PLPPR3: variants seen among roughly 807,000 people sequenced by gnomAD.
PLPPR3 encodes the protein phospholipid phosphatase related 3.
In PLPPR3, 14 loss-of-function variants were observed where a neutral mutation model predicts 27.3. The observed-to-expected ratio is 0.51, with a 90% CI of 0.34 to 0.80. The LOEUF is 0.80. PLPPR3 is among the 30% of genes least tolerant of loss of function. PLPPR3 has a pLI of 0.01. For synonymous variants in PLPPR3, 671 were observed against 508.0 expected (o/e 1.32, Z -4.32); for missense variants, 1,287 against 1,056.9 (o/e 1.22, Z -3.02).
chr19:813,719 G>A lies in PLPPR3; in HGVS notation c.1008C>T (p.Pro336=). The A allele has an allele frequency of 6.6e-7, 1 of 1,525,798 alleles. No homozygotes were observed. Among genetic ancestry groups the A allele is most frequent in the Non-Finnish European group, 8.8e-7 (1 of 1,142,240 alleles). 94.5% of individuals were successfully genotyped at this position (1,525,798 alleles called of 1,614,324 possible). The change falls in exon 8 of 8, where the codon CCC becomes CCT. Residue 336 remains proline, a synonymous_variant. Transcript: ENST00000520876. This position sits in a 1 kb window ranked among gnomAD's most constrained non-coding sequence, Gnocchi z 4.1. ...LGPPGRLEGA[P]RPVAREKTSL... ...AGGTCTTCTCGCGGGCCACGGGCCG[G>A]GGCGCGCCCTCCAGCCGCCCTGGGG...
rs1318003159 is a variant in PLPPR3, at chr19:812,569, G to A, written c.*1C>T. ...CCCCGCCCGCCCCCGGCCCCGCCGC[G>A]CTAGTCGGGGAAGCGGCGCGCCTGC... On this transcript the variant is annotated 3_prime_UTR_variant, in exon 8 of 8. Coordinates refer to ENST00000520876, the MANE Select transcript of PLPPR3 (RefSeq NM_001270366.2). 371 of 494,732 alleles carry A rather than the reference G, an allele frequency of 7.5e-4. 3 individuals carry two copies. Among genetic ancestry groups the A allele is most frequent in the Middle Eastern group, 2.0e-3 (2 of 1,018 alleles). 30.6% of individuals were successfully genotyped at this position (494,732 alleles called of 1,614,324 possible).
Position 812,559 on chromosome 19 carries a change from G to GCCCCCC in PLPPR3, c.*10_*11insGGGGGG. 2.1e-5 allele frequency: 8 copies of GCCCCCC among 383,664 alleles called. No homozygotes were observed. The highest frequency in any genetic ancestry group is 2.5e-5 in the Non-Finnish European group (7 of 283,832). 23.8% of individuals were successfully genotyped at this position (383,664 alleles called of 1,614,324 possible). A position where few individuals can be genotyped will look rare whatever the true frequency, so the allele number is the denominator to read the frequency against. On this transcript the variant is annotated 3_prime_UTR_variant, in exon 8 of 8. Transcript: ENST00000520876. ...TCGGCCCGCCCCCCGCCCGCCCCCG[G>GCCCCCC]CCCCGCCGCGCTAGTCGGGGAAGCG...
At chr19:814,337 G>A in intron 7 of PLPPR3, 97 bp downstream of exon 7, 2 of 1,251,098 alleles carry the variant, frequency 1.6e-6, no homozygotes, top group Non-Finnish European at 2.2e-6. Flanking sequence ...TCAGACCCCT[G>A]GGCCAGCCTC....
rs909265722 is a variant in PLPPR3, at chr19:813,690, A to C, written c.1037T>G (p.Leu346Arg). Residue 346 changes from leucine (L) to arginine (R), a missense_variant, in exon 8 of 8, where the codon CTG becomes CGG. Coordinates refer to ENST00000520876, the MANE Select transcript of PLPPR3 (RefSeq NM_001270366.2). The surrounding 1 kb of genome is among the most constrained non-coding windows in gnomAD (Gnocchi z 4.1). ...PRPVAREKTS[L>R]GSLKRASVDV... ...CACGCTGGCGCGCTTCAGGCTGCCC[A>C]GCGAGGTCTTCTCGCGGGCCACGGG... The C allele has an allele frequency of 7.8e-6, 12 of 1,530,840 alleles. No homozygotes were observed. The African/African-American group carries it at 1.7e-4, about 21-fold the overall frequency. 94.8% of individuals were successfully genotyped at this position (1,530,840 alleles called of 1,614,324 possible).
At position 821,592 on chromosome 19, in the gene PLPPR3, G is replaced by A. The variant is rs1042857185; in HGVS notation, c.-26-7C>T. The A allele has an allele frequency of 9.6e-6, 14 of 1,456,090 alleles. No homozygotes were observed. Among genetic ancestry groups the A allele is most frequent in the Admixed American group, 7.0e-5 (3 of 42,718 alleles). 90.2% of individuals were successfully genotyped at this position (1,456,090 alleles called of 1,614,324 possible). A position where few individuals can be genotyped will look rare whatever the true frequency, so the allele number is the denominator to read the frequency against. On this transcript the variant is annotated splice_polypyrimidine_tract_variant and splice_region_variant and intron_variant, in intron 1 of 7. Coordinates refer to ENST00000520876, the MANE Select transcript of PLPPR3 (RefSeq NM_001270366.2). ...CGGGCGCCGCAGGCCGTGGCTGGAG[G>A]GGAGAAAGCGGCGCTGGAGGGGGGC... is the stretch of plus-strand genomic sequence containing the variant.
chr19:814,910 T>G lies in PLPPR3; in HGVS notation c.575A>C (p.Asp192Ala). The change falls in exon 5 of 8, where the codon GAC (aspartate) becomes GCC (alanine). Residue 192 changes from aspartate (D) to alanine (A), a missense_variant. Asp to Ala is a moderately radical substitution (Grantham distance 126). Coordinates refer to ENST00000520876, the MANE Select transcript of PLPPR3 (RefSeq NM_001270366.2). ...YITQDICSGH[D>A]IHAILSARKT... The stretch of plus-strand genomic sequence containing the variant: ...CCGTGCAGACAGGATGGCGTGGATG[T>G]CGTGGCCGGAGCAGATGTCCTGCGT... The G allele has an allele frequency of 1.2e-6, 2 of 1,611,364 alleles. No homozygotes were observed. Among genetic ancestry groups the G allele is most frequent in the Non-Finnish European group, 1.7e-6 (2 of 1,179,886 alleles).
At chr19:817,653 A>C (rs1787306650) in intron 2 of PLPPR3, among the ~76,000 whole-genome samples, 1 of 152,110 alleles carries the variant, frequency 6.6e-6, no homozygotes. Flanking sequence ...GGGAGGGCAC[A>C]GGTCAGGGCT....
upstream of PLPPR3, among the ~76,000 whole-genome samples, chr19:823,311 A>G (rs547501496): frequency 1.4e-5 from 2 of 144,682 alleles, no homozygotes; most frequent in Non-Finnish European, 3.0e-5. Context: ...ACATGGTGGC[A>G]GGCGCCTGTA....
intron 2 of PLPPR3, 67 bp downstream of exon 2, chr19:821,418 G>A: frequency 2.1e-6 from 3 of 1,417,808 alleles, no homozygotes; most frequent in Admixed American, 2.3e-5. Flanking sequence ...GTCCCCCAGC[G>A]CGGGGGTCTC....
Position 812,528 on chromosome 19 carries a change from GCGCCCTCGGCCCGCCCCC to G in PLPPR3, c.*24_*41del. On this transcript the variant is annotated 3_prime_UTR_variant, in exon 8 of 8. Transcript: ENST00000520876. ...TTATTGAGCATCCGCGCGGCCGCCC[GCGCCCTCGGCCCGCCCCC>G]CGCCCGCCCCCGGCCCCGCCGCGCT... The G allele has an allele frequency of 1.0e-6, 1 of 988,694 alleles. No homozygotes were observed. Among genetic ancestry groups the G allele is most frequent in the South Asian group, 4.5e-5 (1 of 22,218 alleles). 61.2% of individuals were successfully genotyped at this position (988,694 alleles called of 1,614,324 possible).
At chr19:821,069 G>A (rs1021764416) in intron 2 of PLPPR3, among the ~76,000 whole-genome samples, 1 of 152,286 alleles carries the variant, frequency 6.6e-6, no homozygotes, top group East Asian at 1.9e-4. Flanking sequence ...GCCCAGAGAG[G>A]TTAGGGGCAG....
chr19:818,105 G>A (rs570852199), intron 2 of PLPPR3, among the ~76,000 whole-genome samples: 7 of 152,318 alleles, frequency 4.6e-5, no homozygotes, highest in South Asian at 2.1e-4. Flanking sequence ...ACCATGGGCC[G>A]GGTGCGGTGG....
At chr19:823,446 A>AAAAACAAAC (rs1555703853), upstream of PLPPR3, among the ~76,000 whole-genome samples, 8 of 84,284 alleles carry the variant, frequency 9.5e-5, no homozygotes, top group South Asian at 1.1e-3. Context: ...TATCTCAAAA[A>AAAAACAAAC]AAAAAAAAAA....
At chr19:814,074 C>A (rs970971748) in intron 7 of PLPPR3, among the ~76,000 whole-genome samples, 179 bp from the exon 8 acceptor site, 1 of 152,038 alleles carries the variant, frequency 6.6e-6, no homozygotes. Flanking sequence ...TCTGAGCCCA[C>A]GGGATTCTGA....
chr19:816,836 T>C (rs2035069791), intron 2 of PLPPR3, among the ~76,000 whole-genome samples: 1 of 150,306 alleles, frequency 6.7e-6, no homozygotes, highest in Admixed American at 6.6e-5. Context: ...CACCTAGCCA[T>C]TCATTCATCT....
intron 2 of PLPPR3, among the ~76,000 whole-genome samples, chr19:821,052 A>C (rs959146942): frequency 2.0e-5 from 3 of 152,194 alleles, no homozygotes; most frequent in African/African-American, 7.2e-5. Flanking sequence ...GGAGTGGAAA[A>C]GCGGAGGCCC....
chr19:821,651 G>T, intron 1 of PLPPR3, 66 bp from the exon 2 acceptor site: 6 of 906,856 alleles, frequency 6.6e-6, no homozygotes, highest in Non-Finnish European at 9.2e-6. Context: ...CACGGTGGCC[G>T]GCGCCGGCGG....
Position 814,606 on chromosome 19 carries a change from A to T in PLPPR3, c.659T>A (p.Met220Lys), listed in dbSNP as rs1398920716. 7 of 1,611,804 alleles carry T rather than the reference A, an allele frequency of 4.3e-6. No homozygotes were observed. The highest frequency in any genetic ancestry group is 5.9e-6 in the Non-Finnish European group (7 of 1,179,980). Residue 220 changes from methionine (M) to lysine (K), a missense_variant and splice_region_variant, in exon 7 of 8, where the codon ATG becomes AAG. Transcript: ENST00000520876. ...LSAFAAVYVS[M>K]YFNSVISDTT... is the part of the protein sequence containing the mutation. Reference sequence around the variant, plus strand: ...GTCCGAGATGACCGAGTTGAAGTACATCTGGGGCATGGGGGTTGGGGTCAG... The same window carrying T: ...GTCCGAGATGACCGAGTTGAAGTACTTCTGGGGCATGGGGGTTGGGGTCAG...
At position 812,853 on chromosome 19, in the gene PLPPR3, G is replaced by A; in HGVS notation, c.1874C>T (p.Ala625Val). 8.7e-7 allele frequency: 1 copy of A among 1,153,004 alleles called. No individual in the cohort carries two copies. The highest frequency in any genetic ancestry group is 1.1e-6 in the Non-Finnish European group (1 of 935,040). 71.4% of individuals were successfully genotyped at this position (1,153,004 alleles called of 1,614,324 possible). ...ADGGYELGDL[A>V]RGFRGGAKPP... ...CTTGGCCCCGCCGCGGAAGCCGCGC[G>A]CCAGGTCCCCCAGCTCGTAGCCGCC... Residue 625 changes from alanine to valine, a missense_variant, in exon 8 of 8, where the codon GCG (alanine) becomes GTG (valine). By Grantham distance (64) the Ala-to-Val change is moderately conservative. Coordinates refer to ENST00000520876, the MANE Select transcript of PLPPR3 (RefSeq NM_001270366.2).
Sources: allele counts gnomAD v4.1 joint callset (sites outside exome capture counted in the v4.1 genomes callset), GRCh38; gene constraint gnomAD v4.1.1; non-coding constraint Gnocchi (gnomAD v3.1); transcripts MANE v1.5; gene names NCBI Gene and HGNC (gene_info 2026-07-23, HGNC 2026-07-21).